The following TBXT variants were observed in gnomAD, a reference collection of about 807,000 sequenced individuals.
TBXT encodes T-box transcription factor T, also known as T brachyury transcription factor.
Under a neutral mutation model 41.1 loss-of-function variants are expected in TBXT, and 19 were observed. The observed-to-expected ratio is 0.46, with a 90% CI of 0.32 to 0.68. The LOEUF is 0.68. Among genes scored for constraint, TBXT ranks in the 30% least tolerant of loss-of-function variants. The probability of loss-of-function intolerance (pLI) is 0.03; values close to 1 mark genes in which losing one functional copy is unlikely to be tolerated. For missense variants in TBXT, 536 were observed against 582.0 expected (o/e 0.92, Z 0.81); for synonymous variants, 213 against 238.9 (o/e 0.89, Z 1.00).
At chr6:166,160,727 C>T in intron 7 of TBXT, 110 bp downstream of exon 7, 1 of 1,507,656 alleles carries the variant, frequency 6.6e-7, no homozygotes, top group Admixed American at 1.9e-5. Context: ...ACCCAACCAC[C>T]CACAGGGACC....
chr6:166,160,321 G>C (rs1778915186), intron 7 of TBXT, among the ~76,000 whole-genome samples: 1 of 152,202 alleles, frequency 6.6e-6, no homozygotes, highest in Non-Finnish European at 1.5e-5. Context: ...CTTCGAGCCT[G>C]TATCCATAGA....
intron 2 of TBXT, 111 bp from the exon 3 acceptor site, chr6:166,165,951 T>A: frequency 6.5e-7 from 1 of 1,531,776 alleles, no homozygotes; most frequent in Non-Finnish European, 9.0e-7. Context: ...AAAGTGTCTC[T>A]GCTGTTGAGG....
At chr6:166,163,074 C>A (rs538901027) in intron 5 of TBXT, among the ~76,000 whole-genome samples, 1 of 152,312 alleles carries the variant, frequency 6.6e-6, no homozygotes, top group Admixed American at 6.5e-5. Flanking sequence ...TCCTGAGAAT[C>A]CTCTGGATTG....
intron 3 of TBXT, 140 bp downstream of exon 3, chr6:166,165,566 T>A: frequency 7.5e-7 from 1 of 1,329,882 alleles, no homozygotes; most frequent in Non-Finnish European, 1.1e-6. Flanking sequence ...CCATTTCAAG[T>A]TCCGGAATAT....
intron 1 of TBXT, among the ~76,000 whole-genome samples, chr6:166,167,092 G>A (rs1411884226): frequency 6.6e-6 from 1 of 152,228 alleles, no homozygotes; most frequent in Admixed American, 6.5e-5. Context: ...GGGTTTCAGT[G>A]CAGGAGGCCA....
At chr6:166,166,508 G>C (rs1779119563) in intron 2 of TBXT, 84 bp downstream of exon 2, 1 of 1,601,938 alleles carries the variant, frequency 6.2e-7, no homozygotes, top group African/African-American at 1.3e-5. Context: ...TTCAAGCAGC[G>C]TCCCTTCCCA....
At chr6:166,164,971 A>G in intron 3 of TBXT, 110 bp from the exon 4 acceptor site, 1 of 875,966 alleles carries the variant, frequency 1.1e-6, no homozygotes, top group Non-Finnish European at 1.8e-6. Context: ...ATTCAAATAT[A>G]ATCAGACTTC....
intron 5 of TBXT, among the ~76,000 whole-genome samples, chr6:166,164,277 A>G (rs1779044217): frequency 6.7e-6 from 1 of 150,294 alleles, no homozygotes; most frequent in Admixed American, 6.6e-5. Flanking sequence ...AGAGGAGGTA[A>G]TGAGCTAGAT....
chr6:166,161,935 A>G (rs1247427067), intron 6 of TBXT, among the ~76,000 whole-genome samples: 1 of 152,066 alleles, frequency 6.6e-6, no homozygotes, highest in African/African-American at 2.4e-5. Flanking sequence ...AAAAAAGCAC[A>G]CATTGCCGGG....
chr6:166,165,733 T>C lies in TBXT; in HGVS notation c.579A>G (p.Ile193Met), dbSNP rs1255784207. The C allele has an allele frequency of 3.1e-6, 5 of 1,614,044 alleles. No homozygotes were observed. Among genetic ancestry groups the C allele is most frequent in the Admixed American group, 1.7e-5 (1 of 59,998 alleles). Residue 193 changes from isoleucine to methionine, a missense_variant, in exon 3 of 8, where the codon ATA (isoleucine) becomes ATG (methionine). By Grantham distance (10) the Ile-to-Met change is conservative (BLOSUM62 1). Coordinates refer to ENST00000366876, the MANE Select transcript of TBXT (RefSeq NM_001366285.2). The stretch of plus-strand genomic sequence containing the variant: ...CCTCGTTCTGATAAGCAGTCACCGC[T>C]ATGAACTGGGTCTCAGGGAAGCAGT... ...TSHCFPETQF[I>M]AVTAYQNEEI...
chr6:166,158,430 G>C lies in TBXT; in HGVS notation c.1196C>G (p.Ser399Cys). 1 of 1,614,200 alleles carries C rather than the reference G, an allele frequency of 6.2e-7. No homozygotes were observed. Among genetic ancestry groups the C allele is most frequent in the Non-Finnish European group, 8.5e-7 (1 of 1,180,040 alleles). Residue 399 changes from serine to cysteine, a missense_variant, in exon 8 of 8, where the codon TCC (serine) becomes TGC (cysteine). Transcript: ENST00000366876. ...HPVSAPSSSGSPLYEGAAAAT... is the reference protein window; with the variant it reads ...HPVSAPSSSGCPLYEGAAAAT... ...CGCGGCCGCCCCTTCGTACAGTGGG[G>C]ATCCCGAGGAAGAGGGCGCCGAGAC...
chr6:166,162,750 C>T, intron 5 of TBXT, 127 bp from the exon 6 acceptor site: 2 of 545,490 alleles, frequency 3.7e-6, no homozygotes, highest in East Asian at 2.8e-5. Context: ...GGGACTCTCC[C>T]TCCATCACTC....
At chr6:166,160,751 A>G (rs1334035853) in intron 7 of TBXT, 86 bp downstream of exon 7, 29 of 1,586,204 alleles carry the variant, frequency 1.8e-5, no homozygotes, top group Non-Finnish European at 5.2e-6. Context: ...GAGAATAAGG[A>G]CTAAGGGCCT....
At position 166,166,583 on chromosome 6, in the gene TBXT, C is replaced by T. The variant is rs1411594447; in HGVS notation, c.471+9G>A. On this transcript the variant is annotated intron_variant, in intron 2 of 7. Transcript: ENST00000366876. The stretch of plus-strand genomic sequence containing the variant: ...CTGGTCCCAGACCTGGCGGGCTCCT[C>T]ACACCTACCTGGCCCCCTCCGTTGA... 1 of 1,613,828 alleles carries T rather than the reference C, an allele frequency of 6.2e-7. No individual in the cohort carries two copies. The highest frequency in any genetic ancestry group is 8.5e-7 in the Non-Finnish European group (1 of 1,179,918).
At chr6:166,166,311 T>C (rs942971526) in intron 2 of TBXT, among the ~76,000 whole-genome samples, 2 of 152,188 alleles carry the variant, frequency 1.3e-5, no homozygotes, top group African/African-American at 4.8e-5. Flanking sequence ...AAGGCTGATA[T>C]CTTTTCCACC....
upstream of TBXT, chr6:166,168,519 C>T (rs3757104): frequency 0.16 from 24,693 of 152,310 alleles, 2,292 homozygotes; most frequent in Non-Finnish European, 0.21. Context: ...CCCCAGGCGG[C>T]GTTACGCACA....
chr6:166,164,014 A>C (rs1716198932), intron 5 of TBXT, among the ~76,000 whole-genome samples: 1 of 152,212 alleles, frequency 6.6e-6, no homozygotes, highest in Non-Finnish European at 1.5e-5. Context: ...AATATCTCCA[A>C]GTCCCTTCCC....
chr6:166,166,768 T>C lies in TBXT; in HGVS notation c.295A>G (p.Asn99Asp). 3 of 1,613,718 alleles carry C rather than the reference T, an allele frequency of 1.9e-6. No homozygotes were observed. Among genetic ancestry groups the C allele is most frequent in the Non-Finnish European group, 2.5e-6 (3 of 1,180,022 alleles). Residue 99 changes from asparagine (N) to aspartate (D), a missense_variant, in exon 2 of 8, where the codon AAC (asparagine) becomes GAC (aspartate). Asn to Asp is a conservative substitution (Grantham distance 23). Transcript: ENST00000366876. ...CCGTTCACGTACTTCCAGCGGTGGT[T>C]GTCCGCCGCCACGAAGTCCAGCAGG... ...SFLLDFVAAD[N>D]HRWKYVNGEW... is the part of the protein sequence containing the mutation.
intron 5 of TBXT, among the ~76,000 whole-genome samples, chr6:166,164,267 A>T (rs758242087): frequency 6.6e-6 from 1 of 151,912 alleles, no homozygotes; most frequent in Non-Finnish European, 1.5e-5. Context: ...AAAGCCTCAA[A>T]GAGGAGGTAA....
Sources: allele counts gnomAD v4.1 joint callset (sites outside exome capture counted in the v4.1 genomes callset), GRCh38; gene constraint gnomAD v4.1.1; transcripts MANE v1.5; gene names NCBI Gene and HGNC (gene_info 2026-07-23, HGNC 2026-07-21).